Variants in PZP observed in about 807,000 individuals in gnomAD.
The protein encoded by PZP is pregnancy zone protein.
A neutral mutation model predicts 179.8 loss-of-function variants in PZP; 150 were observed. That is an observed-to-expected ratio of 0.83 (90% CI 0.73 to 0.96). The LOEUF (loss-of-function observed/expected upper bound fraction) is 0.96, where lower values mean the gene tolerates loss of function less well. Ranked by LOEUF, PZP falls within the 40% of genes least tolerant of loss-of-function variation. The probability of loss-of-function intolerance (pLI) is 0.00; values close to 1 mark genes in which losing one functional copy is unlikely to be tolerated. For missense variants in PZP, 1,689 were observed against 1,764.0 expected, an observed-to-expected ratio of 0.96 and a Z score of 0.76; for synonymous variants, 624 against 652.3, an observed-to-expected ratio of 0.96 and a Z score of 0.66.
intron 29 of PZP, 142 bp from the exon 30 acceptor site, chr12:9,153,485 T>C: frequency 1.6e-6 from 1 of 610,256 alleles, no homozygotes; most frequent in South Asian, 2.2e-5. Context: ...CTTTCCTTTT[T>C]CTCTGCCTTT....
intron 15 of PZP, among the ~76,000 whole-genome samples, chr12:9,178,009 T>C (rs10843050): frequency 0.24 from 36,659 of 152,082 alleles, 4,586 homozygotes; most frequent in East Asian, 0.42. Flanking sequence ...CTAACTAAAA[T>C]ACAGAAATAT....
intron 19 of PZP, among the ~76,000 whole-genome samples, chr12:9,164,658 T>C (rs1259784296): frequency 2.0e-5 from 3 of 152,194 alleles, no homozygotes; most frequent in Non-Finnish European, 4.4e-5. Context: ...ACACTGGGAA[T>C]GGTAGATGAG....
chr12:9,183,366 A>G (rs1293734953), intron 13 of PZP, among the ~76,000 whole-genome samples: 4 of 152,038 alleles, frequency 2.6e-5, no homozygotes, highest in African/African-American at 7.2e-5. Flanking sequence ...TATTATCTAT[A>G]TGTGTCCCAT....
At chr12:9,195,206 A>G (rs1363136658) in intron 10 of PZP, among the ~76,000 whole-genome samples, 1 of 152,150 alleles carries the variant, frequency 6.6e-6, no homozygotes, top group African/African-American at 2.4e-5. Context: ...TACTCCCCAA[A>G]ATTGATACTA....
chr12:9,168,967 C>G lies in PZP; in HGVS notation c.2009G>C (p.Gly670Ala), dbSNP rs1941785435. Reference protein sequence around the residue: ...ADIYSFLKGMGLKVFTNSKIR... With the variant: ...ADIYSFLKGMALKVFTNSKIR... ...TTTTGAGTTAGTGAACACCTTCAATCCCATCCCCTGGAAAAAAATAATTGT... is the reference window on the plus strand; with the variant it reads ...TTTTGAGTTAGTGAACACCTTCAATGCCATCCCCTGGAAAAAAATAATTGT... Residue 670 changes from glycine to alanine, a missense_variant, in exon 17 of 36, where the codon GGA becomes GCA. By Grantham distance (60) the Gly-to-Ala change is moderately conservative. Coordinates refer to ENST00000261336, the MANE Select transcript of PZP (RefSeq NM_002864.3). 6.2e-7 allele frequency: 1 copy of G among 1,611,862 alleles called. No individual in the cohort carries two copies. The highest frequency in any genetic ancestry group is 2.2e-5 in the East Asian group (1 of 44,860).
intron 22 of PZP, 91 bp from the exon 23 acceptor site, chr12:9,161,207 A>G: frequency 9.0e-7 from 1 of 1,108,670 alleles, no homozygotes; most frequent in Non-Finnish European, 1.3e-6. Context: ...TCAGAGCCAC[A>G]CTCCCTGGAT....
At position 9,165,334 on chromosome 12, in the gene PZP, G is replaced by A; in HGVS notation, c.2292C>T (p.Val764=). The A allele has an allele frequency of 1.2e-6, 2 of 1,614,096 alleles. No homozygotes were observed. The change falls in exon 19 of 36, where the codon GTC becomes GTT. Residue 764 remains valine (V), a synonymous_variant. Transcript: ENST00000261336. Reference sequence around the variant, plus strand: ...CCTTCCACTCGGTGATGGTGTCAGGGACTGTTACTCCTACCTCAGCCACAC... The same window carrying A: ...CCTTCCACTCGGTGATGGTGTCAGGAACTGTTACTCCTACCTCAGCCACAC... The part of the protein sequence containing the change: ...SSGVAEVGVT[V]PDTITEWKAG...
chr12:9,189,832 G>A (rs1480751918), intron 13 of PZP, among the ~76,000 whole-genome samples: 2 of 152,026 alleles, frequency 1.3e-5, no homozygotes, highest in Non-Finnish European at 2.9e-5. Context: ...GTGGGCAAAG[G>A]ACAGGAATAA....
intron 18 of PZP, 93 bp from the exon 19 acceptor site, chr12:9,165,460 CTG>C: frequency 7.2e-7 from 1 of 1,383,082 alleles, no homozygotes; most frequent in Non-Finnish European, 1.0e-6. Context: ...ACGTCAAGAA[CTG>C]AATCCACTTA....
chr12:9,169,616 C>T, intron 15 of PZP, 25 bp from the exon 16 acceptor site: 1 of 1,554,584 alleles, frequency 6.4e-7, no homozygotes, highest in South Asian at 1.2e-5. Flanking sequence ...GGATCAAAGG[C>T]AGAACTGTTA....
chr12:9,145,801 G>C, downstream of PZP, among the ~76,000 whole-genome samples: 1 of 152,088 alleles, frequency 6.6e-6, no homozygotes, highest in East Asian at 1.9e-4. Flanking sequence ...TTGATGGACA[G>C]GTTTCCCAGG....
At position 9,153,231 on chromosome 12, in the gene PZP, A is replaced by C; in HGVS notation, c.3887T>G (p.Phe1296Cys). The C allele has an allele frequency of 6.2e-7, 1 of 1,614,140 alleles. No individual in the cohort carries two copies. The highest frequency in any genetic ancestry group is 8.5e-7 in the Non-Finnish European group (1 of 1,179,968). The change falls in exon 30 of 36, where the codon TTC (phenylalanine) becomes TGC (cysteine). Residue 1296 changes from phenylalanine (F) to cysteine (C), a missense_variant. Coordinates refer to ENST00000261336, the MANE Select transcript of PZP (RefSeq NM_002864.3). ...TAGGAGGTTGTTGTTGTCTACTTGG[A>C]AATTTGTAGAAAAGGTCTGTGAATC... Reference protein sequence around the residue: ...VQDSQTFSTNFQVDNNNLLLL... With the variant: ...VQDSQTFSTNCQVDNNNLLLL...
At position 9,165,377 on chromosome 12, in the gene PZP, AG is replaced by A; in HGVS notation, c.2259-11del. The A allele has an allele frequency of 6.2e-7, 1 of 1,613,634 alleles. No individual in the cohort carries two copies. Among genetic ancestry groups the A allele is most frequent in the Non-Finnish European group, 8.5e-7 (1 of 1,179,568 alleles). On this transcript the variant is annotated splice_polypyrimidine_tract_variant and intron_variant, in intron 18 of 35. Coordinates refer to ENST00000261336, the MANE Select transcript of PZP (RefSeq NM_002864.3). ...AGCCACACCTGATGAGCTGGGGAGG[AG>A]GGCAAGTGAAGAACAGAAATAATGA...
At chr12:9,189,798 A>G (rs1157462190) in intron 13 of PZP, among the ~76,000 whole-genome samples, 6 of 152,248 alleles carry the variant, frequency 3.9e-5, no homozygotes, top group African/African-American at 1.4e-4. Flanking sequence ...TTTACAAGGA[A>G]AAAACAAACC....
chr12:9,151,638 A>C lies in PZP; in HGVS notation c.4247T>G (p.Val1416Gly), dbSNP rs760948286. ...ATAAATGAGGACATGGTTGTTGCTC[A>C]CTTCTGTCCGGCTCACAGAGCTAGA... is the stretch of plus-strand genomic sequence containing the variant. The part of the protein sequence containing the change: ...ERSSSVSRTE[V>G]SNNHVLIYVE... The change falls in exon 33 of 36, where the codon GTG becomes GGG. Residue 1416 changes from valine (V) to glycine (G), a missense_variant. By Grantham distance (109) the Val-to-Gly change is moderately radical. This residue lies in a region of PZP where 746 missense variants were observed against 749.2 expected (regional missense o/e 1.00). Transcript: ENST00000261336. 2 of 1,614,012 alleles carry C rather than the reference A, an allele frequency of 1.2e-6. No homozygotes were observed. The highest frequency in any genetic ancestry group is 1.7e-6 in the Non-Finnish European group (2 of 1,179,930).
the PZP span, among the ~76,000 whole-genome samples, chr12:9,138,853 G>C: frequency 1.3e-5 from 2 of 150,230 alleles, no homozygotes; most frequent in Non-Finnish European, 3.0e-5. Flanking sequence ...TTTTTTTTTA[G>C]TCTAAATAAG....
intron 15 of PZP, among the ~76,000 whole-genome samples, chr12:9,173,158 G>C (rs1942115178): frequency 1.3e-5 from 2 of 152,186 alleles, no homozygotes; most frequent in African/African-American, 4.8e-5. Flanking sequence ...TAGAACTCAA[G>C]ATTAAGAAAT....
At chr12:9,205,627 G>A (rs10771415) in intron 1 of PZP, among the ~76,000 whole-genome samples, 56,729 of 151,948 alleles carry the variant, frequency 0.37, 10,636 homozygotes, top group East Asian at 0.45. Context: ...TAATGATTCA[G>A]TGATTCATGA....
At position 9,190,355 on chromosome 12, in the gene PZP, A is replaced by C. The variant is rs117785285; in HGVS notation, c.1546+1838T>G. ...CATCATGTCCTTTGCAGGAGCATAC[A>C]TGGAGCTAGAAGCTATCATTCTTAG... On this transcript the variant is annotated intron_variant, in intron 13 of 35. Coordinates refer to ENST00000261336, the MANE Select transcript of PZP (RefSeq NM_002864.3). 1.6e-4 allele frequency among the ~76,000 whole-genome samples: 25 copies of C among 152,362 alleles called. 1 individual carries two copies. The East Asian group carries it at 3.5e-3, about 21-fold the overall frequency.
Sources: gnomAD v4.1 joint callset for allele counts (sites outside exome capture counted in the v4.1 genomes callset) on GRCh38, gnomAD v4.1.1 for gene constraint, gnomAD v4.1.1 regional missense constraint, MANE v1.5 for transcripts, NCBI Gene and HGNC (gene_info 2026-07-23, HGNC 2026-07-21) for gene names.